Variants in RELN observed in about 807,000 individuals in gnomAD.
RELN encodes reelin.
In RELN, 108 loss-of-function variants were observed where a neutral mutation model predicts 427.6. That is an observed-to-expected ratio of 0.25 (90% CI 0.22 to 0.30). RELN has a LOEUF of 0.30. Ranked by LOEUF, RELN falls within the 10% of genes least tolerant of loss-of-function variation. RELN has a pLI of 1.00. For missense variants in RELN, 3,715 were observed against 4,302.8 expected (o/e 0.86, Z 3.82); for synonymous variants, 1,524 against 1,513.4 (o/e 1.01, Z -0.16).
intron 57 of RELN, among the ~76,000 whole-genome samples, chr7:103,494,989 C>T (rs1562850733): frequency 6.6e-6 from 1 of 151,768 alleles, no homozygotes; most frequent in East Asian, 1.9e-4. Flanking sequence ...GAGAACTGTG[C>T]AACATAAAAA....
At chr7:103,938,253 G>A (rs1050250239) in intron 1 of RELN, among the ~76,000 whole-genome samples, 1 of 152,032 alleles carries the variant, frequency 6.6e-6, no homozygotes, top group African/African-American at 2.4e-5. Flanking sequence ...CCAGGAGGTG[G>A]AGGTTGCAGT....
chr7:103,593,373 A>C (rs753998726), intron 27 of RELN, among the ~76,000 whole-genome samples: 24 of 152,214 alleles, frequency 1.6e-4, no homozygotes, highest in Non-Finnish European at 2.9e-4. Flanking sequence ...ATCGTTTAGA[A>C]GCTTGAGATT....
chr7:103,482,742 G>C, intron 63 of RELN, 131 bp downstream of exon 63: 1 of 1,544,370 alleles, frequency 6.5e-7, no homozygotes, highest in Non-Finnish European at 8.7e-7. Flanking sequence ...TTGCAAAAGA[G>C]TGTAAGCCAA....
intron 40 of RELN, 54 bp from the exon 41 acceptor site, chr7:103,551,350 A>C: frequency 3.2e-6 from 4 of 1,235,276 alleles, no homozygotes. Context: ...CAAGCCTTGA[A>C]ATGATTCACC....
chr7:103,612,422 T>A (rs1831981797), intron 20 of RELN, among the ~76,000 whole-genome samples: 1 of 151,800 alleles, frequency 6.6e-6, no homozygotes, highest in Non-Finnish European at 1.5e-5. Context: ...ATTACAGGCA[T>A]GTGCCACCAT....
chr7:103,628,987 C>T (rs1014898933), intron 20 of RELN, among the ~76,000 whole-genome samples: 5 of 152,170 alleles, frequency 3.3e-5, no homozygotes, highest in African/African-American at 1.2e-4. Flanking sequence ...AACTGGCCTC[C>T]TTCCTGGTCC....
intron 1 of RELN, among the ~76,000 whole-genome samples, chr7:103,986,499 T>C (rs1797099846): frequency 6.6e-6 from 1 of 152,110 alleles, no homozygotes; most frequent in Non-Finnish European, 1.5e-5. Flanking sequence ...GACTGGCAAT[T>C]GCTGCCCCAT....
At chr7:103,510,153 G>C (rs1394412080) in intron 51 of RELN, among the ~76,000 whole-genome samples, 1 of 152,146 alleles carries the variant, frequency 6.6e-6, no homozygotes, top group Non-Finnish European at 1.5e-5. Context: ...ATACCCAAAG[G>C]ATTATAAATC....
chr7:103,617,782 A>G (rs1007854235), intron 20 of RELN, among the ~76,000 whole-genome samples: 1 of 152,034 alleles, frequency 6.6e-6, no homozygotes, highest in African/African-American at 2.4e-5. Flanking sequence ...AGGGGGCCTA[A>G]TGGGAGATGT....
chr7:103,652,039 GTT>G (rs1481143031), intron 14 of RELN, among the ~76,000 whole-genome samples: 2 of 151,970 alleles, frequency 1.3e-5, no homozygotes, highest in Non-Finnish European at 2.9e-5. Flanking sequence ...TTGAGTTTGT[GTT>G]CTTGAGTTTG....
intron 3 of RELN, among the ~76,000 whole-genome samples, chr7:103,794,440 TA>T (rs1792247131): frequency 1.3e-5 from 2 of 152,226 alleles, no homozygotes. Flanking sequence ...TGGTAAGGAT[TA>T]AACTTTATCC....
chr7:103,556,023 T>C (rs999957850), intron 38 of RELN, among the ~76,000 whole-genome samples: 1 of 152,252 alleles, frequency 6.6e-6, no homozygotes, highest in Non-Finnish European at 1.5e-5. Flanking sequence ...TGGTCCTTTA[T>C]AATCAGCAGT....
chr7:103,740,434 AT>A (rs1003789366), intron 6 of RELN, among the ~76,000 whole-genome samples: 1 of 152,228 alleles, frequency 6.6e-6, no homozygotes, highest in Non-Finnish European at 1.5e-5. Context: ...ATTATTTGAA[AT>A]TTTAACCACA....
In RELN at chr7:103,661,522, T is replaced by C. The variant is rs1364621935; in HGVS notation, c.1295A>G (p.Asp432Gly). ...TGTACCAATGACAGCTCCCAAGACA[T>C]CCCATCTAAAAAAAAAGGGGGATTA... ...EEFESQPTGWDVLGAVIGTEC... is the reference protein window; with the variant it reads ...EEFESQPTGWGVLGAVIGTEC... Residue 432 changes from aspartate to glycine, a missense_variant, in exon 12 of 65, where the codon GAT becomes GGT. Asp to Gly is a moderately conservative substitution (Grantham distance 94, BLOSUM62 -1). Coordinates refer to ENST00000428762, the MANE Select transcript of RELN (RefSeq NM_005045.4). The C allele has an allele frequency of 1.2e-6, 2 of 1,612,260 alleles. No homozygotes were observed. The highest frequency in any genetic ancestry group is 1.7e-6 in the Non-Finnish European group (2 of 1,179,308).
intron 11 of RELN, 66 bp downstream of exon 11, chr7:103,682,050 T>A: frequency 6.7e-7 from 1 of 1,495,562 alleles, no homozygotes; most frequent in Non-Finnish European, 9.3e-7. Context: ...AATATGCATT[T>A]AAAACACGTC....
intron 16 of RELN, among the ~76,000 whole-genome samples, chr7:103,648,784 GA>G (rs1374884174): frequency 6.6e-6 from 1 of 152,024 alleles, no homozygotes; most frequent in African/African-American, 2.4e-5. Context: ...CAAAGGACAT[GA>G]GCAAACAGTT....
intron 1 of RELN, among the ~76,000 whole-genome samples, chr7:103,932,279 T>C (rs1345705398): frequency 6.6e-6 from 1 of 152,136 alleles, no homozygotes; most frequent in Non-Finnish European, 1.5e-5. Flanking sequence ...AGCAAACTAA[T>C]GCAGGAACAG....
At position 103,615,848 on chromosome 7, in the gene RELN, C is replaced by T. The variant is rs138888879; in HGVS notation, c.2703-4045G>A. Among the ~76,000 whole-genome samples the T allele has an allele frequency of 7.2e-5, 11 of 152,228 alleles. No homozygotes were observed. The South Asian group carries it at 8.3e-4, about 11-fold the overall frequency. On this transcript the variant is annotated intron_variant, in intron 20 of 64. Coordinates refer to ENST00000428762, the MANE Select transcript of RELN (RefSeq NM_005045.4). ...GTTACTTAAATGCTGTAATGAATAC[C>T]GACAAGGTTTTGAGGTTATCTTCAC...
intron 20 of RELN, among the ~76,000 whole-genome samples, chr7:103,616,128 G>T (rs1037424848): frequency 6.6e-6 from 1 of 152,132 alleles, no homozygotes; most frequent in Non-Finnish European, 1.5e-5. Flanking sequence ...CTATTCATGT[G>T]CCATAAGAGA....
Sources: allele counts gnomAD v4.1 joint callset (sites outside exome capture counted in the v4.1 genomes callset), GRCh38; gene constraint gnomAD v4.1.1; transcripts MANE v1.5; gene names NCBI Gene and HGNC (gene_info 2026-07-23, HGNC 2026-07-21).